Variants in DOCK4 observed in about 807,000 individuals in gnomAD.
The protein encoded by DOCK4 is dedicator of cytokinesis protein 4.
DOCK4 carries 97 observed loss-of-function variants against 268.1 expected under a neutral mutation model. The observed-to-expected ratio is 0.36, with a 90% CI of 0.31 to 0.43. DOCK4 has a LOEUF of 0.43. DOCK4 is among the 20% of genes least tolerant of loss of function. The pLI, the probability that DOCK4 is intolerant of heterozygous loss-of-function variation, is 1.00. For missense variants in DOCK4, 2,145 were observed against 2,455.7 expected (o/e 0.87, Z 2.67); for synonymous variants, 954 against 887.2 (o/e 1.08, Z -1.34).
chr7:112,070,565 A>C lies in DOCK4; in HGVS notation c.38-66434T>G, dbSNP rs554620786. ...AACAAGCTGACAGTATTTAAGGAGTAGTTGAATATTTAGGTTCCTGAAGCC... is the reference window on the plus strand; with the variant it reads ...AACAAGCTGACAGTATTTAAGGAGTCGTTGAATATTTAGGTTCCTGAAGCC... On this transcript the variant is annotated intron_variant, in intron 1 of 52. Coordinates refer to ENST00000428084, the MANE Select transcript of DOCK4 (RefSeq NM_001363540.2). Among the ~76,000 whole-genome samples, 4 of 152,328 alleles carry C rather than the reference A, an allele frequency of 2.6e-5. No homozygotes were observed. The South Asian group carries it at 6.2e-4, about 24-fold the overall frequency.
chr7:112,187,675 C>T (rs1386523442), intron 1 of DOCK4, among the ~76,000 whole-genome samples: 10 of 152,164 alleles, frequency 6.6e-5, no homozygotes, highest in Non-Finnish European at 2.9e-5. Flanking sequence ...TGATGACATT[C>T]TGCCTTGTGT....
intron 12 of DOCK4, among the ~76,000 whole-genome samples, chr7:111,919,981 A>T (rs1473388119): frequency 6.6e-6 from 1 of 152,214 alleles, no homozygotes. Context: ...AGCCACCAGA[A>T]CAGTAAGAAA....
intron 8 of DOCK4, chr7:111,971,695 C>T: frequency 3.3e-6 from 1 of 301,984 alleles, no homozygotes; most frequent in South Asian, 5.3e-5. Context: ...CTTGCTTTGT[C>T]TCTGGTCTGT....
chr7:112,093,736 G>A (rs1183270228), intron 1 of DOCK4, among the ~76,000 whole-genome samples: 1 of 152,142 alleles, frequency 6.6e-6, no homozygotes, highest in Non-Finnish European at 1.5e-5. Context: ...TTTTAAGGAA[G>A]AGAACGTCTT....
intron 1 of DOCK4, among the ~76,000 whole-genome samples, chr7:112,118,435 A>T (rs578021979): frequency 6.6e-6 from 1 of 152,314 alleles, no homozygotes; most frequent in African/African-American, 2.4e-5. Context: ...GAGTAATTTG[A>T]AAACAAGATA....
At chr7:111,988,675 T>C (rs533547583) in intron 6 of DOCK4, among the ~76,000 whole-genome samples, 1 of 152,292 alleles carries the variant, frequency 6.6e-6, no homozygotes, top group African/African-American at 2.4e-5. Flanking sequence ...TAAAAGCAAA[T>C]CCACATGCCA....
At chr7:111,753,213 G>A (rs949854197) in intron 42 of DOCK4, among the ~76,000 whole-genome samples, 3 of 152,130 alleles carry the variant, frequency 2.0e-5, no homozygotes, top group African/African-American at 7.2e-5. Flanking sequence ...GGTGGTTTAT[G>A]CCTGTAATCC....
At chr7:112,013,026 A>T (rs1801486130) in intron 1 of DOCK4, among the ~76,000 whole-genome samples, 1 of 152,216 alleles carries the variant, frequency 6.6e-6, no homozygotes, top group Non-Finnish European at 1.5e-5. Flanking sequence ...GAATTGGAAG[A>T]CAGAGACCCA....
At chr7:112,115,339 C>T (rs923917621) in intron 1 of DOCK4, among the ~76,000 whole-genome samples, 59 of 152,198 alleles carry the variant, frequency 3.9e-4, no homozygotes, top group African/African-American at 1.3e-3. Flanking sequence ...TCAGTTCAGA[C>T]GCAGTGAGTC....
chr7:112,185,753 C>T (rs1385948861), intron 1 of DOCK4, among the ~76,000 whole-genome samples: 1 of 152,244 alleles, frequency 6.6e-6, no homozygotes, highest in East Asian at 1.9e-4. Flanking sequence ...CAGGTCTCTA[C>T]TTAACGTGTT....
intron 1 of DOCK4, among the ~76,000 whole-genome samples, chr7:112,126,691 T>A (rs528099704): frequency 1.3e-5 from 2 of 151,976 alleles, no homozygotes; most frequent in Admixed American, 6.6e-5. Flanking sequence ...GAATCTACAA[T>A]GAACTCAAAC....
intron 26 of DOCK4, among the ~76,000 whole-genome samples, chr7:111,827,711 T>C (rs187625518): frequency 6.7e-4 from 102 of 152,302 alleles, no homozygotes; most frequent in African/African-American, 2.3e-3. Context: ...TTTTAAGGAA[T>C]ATAACAGTAG....
chr7:111,961,721 C>A (rs12532112), intron 8 of DOCK4, among the ~76,000 whole-genome samples: 18,788 of 152,120 alleles, frequency 0.12, 1,213 homozygotes, highest in Middle Eastern at 0.18. Context: ...ATGTCCTAGA[C>A]CATTAAGAAA....
intron 16 of DOCK4, among the ~76,000 whole-genome samples, chr7:111,878,486 C>A (rs191034415): frequency 5.9e-5 from 9 of 152,276 alleles, no homozygotes; most frequent in African/African-American, 1.9e-4. Flanking sequence ...ATCACAAGAA[C>A]CAAAAATCAG....
intron 6 of DOCK4, among the ~76,000 whole-genome samples, chr7:111,986,185 AG>A (rs1799039312): frequency 6.6e-6 from 1 of 152,192 alleles, no homozygotes; most frequent in African/African-American, 2.4e-5. Context: ...CAGGAATATT[AG>A]ACATTGGCTG....
intron 1 of DOCK4, among the ~76,000 whole-genome samples, chr7:112,189,796 G>A (rs1819786194): frequency 8.1e-6 from 1 of 123,596 alleles, no homozygotes; most frequent in Admixed American, 1.1e-4. Context: ...TGCCCAGACT[G>A]GTCTCAAACT....
chr7:111,877,030 C>T lies in DOCK4; in HGVS notation c.1744G>A (p.Gly582Ser). 2 of 1,525,190 alleles carry T rather than the reference C, an allele frequency of 1.3e-6. No individual in the cohort carries two copies. Among genetic ancestry groups the T allele is most frequent in the Non-Finnish European group, 1.8e-6 (2 of 1,135,762 alleles). The allele number at this position is 1,525,190 out of a possible 1,614,324, so 94.5% of individuals were successfully genotyped here. A position where few individuals can be genotyped will look rare whatever the true frequency, so the allele number is the denominator to read the frequency against. Residue 582 changes from glycine to serine, a missense_variant and splice_region_variant, in exon 17 of 53, where the codon GGT becomes AGT. Physicochemically the swap from Gly to Ser is moderately conservative, Grantham distance 56 (BLOSUM62 0). Transcript: ENST00000428084. Reference sequence around the variant, plus strand: ...TTTCAAATAAAACATTATACATTACCATTTTGTGTGAGTTTTGTGGAACAG... The same window carrying T: ...TTTCAAATAAAACATTATACATTACTATTTTGTGTGAGTTTTGTGGAACAG... ...FLCSTKLTQN[G>S]DMLDLLKWRT...
intron 1 of DOCK4, among the ~76,000 whole-genome samples, chr7:112,133,122 A>G (rs1169296196): frequency 1.3e-5 from 2 of 152,192 alleles, no homozygotes; most frequent in Non-Finnish European, 2.9e-5. Flanking sequence ...ATCCCAGAAT[A>G]GGGATACAGG....
intron 7 of DOCK4, 148 bp downstream of exon 7, chr7:111,984,158 G>A: frequency 6.0e-6 from 4 of 664,218 alleles, no homozygotes; most frequent in Non-Finnish European, 1.0e-5. Flanking sequence ...TGTACTGAGG[G>A]CATGGTCACC....
Sources: allele counts gnomAD v4.1 joint callset (sites outside exome capture counted in the v4.1 genomes callset), GRCh38; gene constraint gnomAD v4.1.1; transcripts MANE v1.5; gene names NCBI Gene and HGNC (gene_info 2026-07-23, HGNC 2026-07-21).